The following ROBO1 variants were observed in gnomAD, a reference collection of about 807,000 sequenced individuals.
The protein encoded by ROBO1 is roundabout guidance receptor 1.
In ROBO1, 149 loss-of-function variants were observed where a neutral mutation model predicts 195.9. That is an observed-to-expected ratio of 0.76 (90% CI 0.67 to 0.87). ROBO1 has a LOEUF of 0.87. Among genes scored for constraint, ROBO1 ranks in the 40% least tolerant of loss-of-function variants. The probability of loss-of-function intolerance (pLI) is 0.00; values close to 1 mark genes in which losing one functional copy is unlikely to be tolerated. For synonymous variants in ROBO1, 816 were observed against 733.2 expected (o/e 1.11, Z -1.82); for missense variants, 1,933 against 2,068.3 (o/e 0.93, Z 1.27).
At chr3:79,108,503 C>T (rs914775562) in intron 3 of ROBO1, among the ~76,000 whole-genome samples, 3 of 151,664 alleles carry the variant, frequency 2.0e-5, no homozygotes, top group Non-Finnish European at 3.0e-5. Context: ...TGTCTAGAAG[C>T]ATCCCTTTTT....
chr3:79,153,530 A>AT (rs2108644323), intron 2 of ROBO1, among the ~76,000 whole-genome samples: 1 of 151,690 alleles, frequency 6.6e-6, no homozygotes, highest in African/African-American at 2.4e-5. Context: ...CAGAGCTCAC[A>AT]TTTTTATCAA....
At chr3:79,202,671 G>T (rs191152219) in intron 2 of ROBO1, among the ~76,000 whole-genome samples, 44 of 150,964 alleles carry the variant, frequency 2.9e-4, no homozygotes, top group Middle Eastern at 3.5e-3. Flanking sequence ...ACAGGTACCA[G>T]CATGGCCCAT....
intron 2 of ROBO1, among the ~76,000 whole-genome samples, chr3:79,205,981 C>T (rs2081858713): frequency 6.6e-6 from 1 of 152,208 alleles, no homozygotes; most frequent in Admixed American, 6.5e-5. Context: ...GTCCCAGTTA[C>T]TCAAAGCTTC....
chr3:79,239,857 C>G (rs1357069354), intron 2 of ROBO1, among the ~76,000 whole-genome samples: 1 of 152,008 alleles, frequency 6.6e-6, no homozygotes, highest in African/African-American at 2.4e-5. Flanking sequence ...AGTGTATGTG[C>G]CCACAGAAGG....
chr3:79,096,586 C>T (rs2079570767), intron 3 of ROBO1, among the ~76,000 whole-genome samples: 1 of 151,370 alleles, frequency 6.6e-6, no homozygotes, highest in South Asian at 2.1e-4. Flanking sequence ...TAAACATGGA[C>T]TCCATAGGAA....
rs577623310 is a variant in ROBO1 at position 78,958,953 on chromosome 3, G to A, written c.173-20026C>T. On this transcript the variant is annotated intron_variant, in intron 3 of 30. Coordinates refer to ENST00000464233, the MANE Select transcript of ROBO1 (RefSeq NM_002941.4). ...GATCCTCCCACCTGGGACCACAGGT[G>A]TACACTGCCACACCCGGCTAATTTT... Among the ~76,000 whole-genome samples the A allele has an allele frequency of 5.0e-4, 75 of 151,436 alleles. 1 individual carries two copies. The Middle Eastern group carries it at 0.01, about 21-fold the overall frequency.
intron 2 of ROBO1, among the ~76,000 whole-genome samples, chr3:79,279,000 G>A (rs953477026): frequency 1.3e-5 from 2 of 151,924 alleles, no homozygotes; most frequent in East Asian, 3.9e-4. Flanking sequence ...ATAAAAAAAT[G>A]GACAAATGTC....
At chr3:78,900,867 G>C (rs2037541388) in intron 4 of ROBO1, among the ~76,000 whole-genome samples, 1 of 151,838 alleles carries the variant, frequency 6.6e-6, no homozygotes, top group Non-Finnish European at 1.5e-5. Context: ...ATGGAAATTG[G>C]AAACAGATAA....
At position 79,158,290 on chromosome 3, in the gene ROBO1, A is replaced by T. The variant is rs2080893517; in HGVS notation, c.89-32751T>A. ...GAAGTTTTAGTTTTAAAATATATTC[A>T]TTTATATATTAATGATAAAATATAT... is the stretch of plus-strand genomic sequence containing the variant. On this transcript the variant is annotated intron_variant, in intron 2 of 30. Transcript: ENST00000464233. Among the ~76,000 whole-genome samples, 4 of 151,086 alleles carry T rather than the reference A, an allele frequency of 2.6e-5. No individual in the cohort carries two copies. The South Asian group carries it at 8.3e-4, about 31-fold the overall frequency.
intron 2 of ROBO1, among the ~76,000 whole-genome samples, chr3:79,433,142 C>G (rs756558623): frequency 6.6e-6 from 1 of 152,038 alleles, no homozygotes; most frequent in Non-Finnish European, 1.5e-5. Flanking sequence ...AGGCCAGTAT[C>G]TATTAGCTAT....
At chr3:78,936,815 A>G (rs2039837599) in intron 4 of ROBO1, among the ~76,000 whole-genome samples, 1 of 152,062 alleles carries the variant, frequency 6.6e-6, no homozygotes, top group South Asian at 2.1e-4. Flanking sequence ...TAGGTCGAAC[A>G]TTTAAACTTA....
chr3:79,245,167 G>A (rs1170779411), intron 2 of ROBO1, among the ~76,000 whole-genome samples: 4 of 152,032 alleles, frequency 2.6e-5, no homozygotes. Flanking sequence ...CACATAGTCT[G>A]TTGTTCTTCA....
At chr3:79,380,112 T>C (rs997723613) in intron 2 of ROBO1, among the ~76,000 whole-genome samples, 1 of 152,186 alleles carries the variant, frequency 6.6e-6, no homozygotes, top group Non-Finnish European at 1.5e-5. Flanking sequence ...CTCATTCTAT[T>C]ACTCCATGCA....
In ROBO1 at chr3:78,670,320, G is replaced by A; in HGVS notation, c.1343-19C>T. On this transcript the variant is annotated intron_variant, in intron 10 of 30. Coordinates refer to ENST00000464233, the MANE Select transcript of ROBO1 (RefSeq NM_002941.4). ...GCAATCACTGCCAGAAGAAACAACAGGAAATAGATTTCTGCAACTGGAAGC... is the reference window on the plus strand; with the variant it reads ...GCAATCACTGCCAGAAGAAACAACAAGAAATAGATTTCTGCAACTGGAAGC... The A allele has an allele frequency of 6.5e-7, 1 of 1,548,094 alleles. No homozygotes were observed. Among genetic ancestry groups the A allele is most frequent in the Non-Finnish European group, 8.7e-7 (1 of 1,144,074 alleles).
chr3:79,488,556 T>C (rs867158069), intron 2 of ROBO1, among the ~76,000 whole-genome samples: 3 of 152,146 alleles, frequency 2.0e-5, no homozygotes, highest in African/African-American at 4.8e-5. Context: ...ATAAAAAGAA[T>C]AGAAATCATA....
chr3:79,429,094 C>G (rs370904604), intron 2 of ROBO1, among the ~76,000 whole-genome samples: 3 of 152,084 alleles, frequency 2.0e-5, no homozygotes, highest in Non-Finnish European at 4.4e-5. Flanking sequence ...TAAAGAGTAA[C>G]TTTTACTGTA....
At chr3:79,295,473 G>C (rs2109041856) in intron 2 of ROBO1, among the ~76,000 whole-genome samples, 1 of 152,254 alleles carries the variant, frequency 6.6e-6, no homozygotes, top group South Asian at 2.1e-4. Flanking sequence ...GGGAGGAATA[G>C]CATTAGGAGA....
chr3:79,692,468 T>A (rs1009319030), intron 1 of ROBO1, among the ~76,000 whole-genome samples: 8 of 151,764 alleles, frequency 5.3e-5, no homozygotes, highest in Admixed American at 5.3e-4. Context: ...CAGGAGCAAG[T>A]AGAAGGAAAC....
chr3:79,415,102 C>A (rs2037944314), intron 2 of ROBO1, among the ~76,000 whole-genome samples: 1 of 152,100 alleles, frequency 6.6e-6, no homozygotes, highest in East Asian at 1.9e-4. Flanking sequence ...ATAAATACAT[C>A]CTGACTCACG....
Sources: gnomAD v4.1 joint callset for allele counts (sites outside exome capture counted in the v4.1 genomes callset) on GRCh38, gnomAD v4.1.1 for gene constraint, MANE v1.5 for transcripts, NCBI Gene and HGNC (gene_info 2026-07-23, HGNC 2026-07-21) for gene names.